KIAA1217: variants seen among roughly 807,000 people sequenced by gnomAD.
The protein encoded by KIAA1217 is sickle tail protein homolog.
In KIAA1217, 88 loss-of-function variants were observed where a neutral mutation model predicts 163.9. That is an observed-to-expected ratio of 0.54 (90% CI 0.45 to 0.64). KIAA1217 has a LOEUF of 0.64. Ranked by LOEUF, KIAA1217 falls within the 30% of genes least tolerant of loss-of-function variation. The pLI, the probability that KIAA1217 is intolerant of heterozygous loss-of-function variation, is 0.00. For missense variants in KIAA1217, 2,372 were observed against 2,475.0 expected, an observed-to-expected ratio of 0.96 and a Z score of 0.88; for synonymous variants, 903 against 923.1, an observed-to-expected ratio of 0.98 and a Z score of 0.39.
chr10:23,970,195 T>C (rs1233208250), intron 1 of KIAA1217, among the ~76,000 whole-genome samples: 1 of 152,226 alleles, frequency 6.6e-6, no homozygotes, highest in Non-Finnish European at 1.5e-5. Context: ...GTTCTTGTAT[T>C]AGAGGTCAAA....
intron 3 of KIAA1217, among the ~76,000 whole-genome samples, chr10:24,382,599 CT>C (rs1591477187): frequency 1.3e-5 from 2 of 151,818 alleles, no homozygotes; most frequent in East Asian, 3.9e-4. Flanking sequence ...AGAAAATGTG[CT>C]TTTTGTTTAT....
intron 2 of KIAA1217, among the ~76,000 whole-genome samples, chr10:24,041,797 A>G (rs1341977961): frequency 1.3e-5 from 2 of 152,184 alleles, no homozygotes; most frequent in Non-Finnish European, 2.9e-5. Flanking sequence ...ATGCCTGGAA[A>G]CTGAACGTGG....
At chr10:23,971,468 G>A (rs1767133669) in intron 1 of KIAA1217, among the ~76,000 whole-genome samples, 1 of 152,110 alleles carries the variant, frequency 6.6e-6, no homozygotes, top group African/African-American at 2.4e-5. Context: ...TGGTTGGGGG[G>A]GAACCTCCTC....
At chr10:24,242,295 C>T (rs1018764710) in intron 2 of KIAA1217, among the ~76,000 whole-genome samples, 1 of 152,158 alleles carries the variant, frequency 6.6e-6, no homozygotes, top group Admixed American at 6.6e-5. Context: ...CCCATGTTTA[C>T]ATCCATGTGT....
intron 2 of KIAA1217, among the ~76,000 whole-genome samples, chr10:24,124,781 T>G (rs976082434): frequency 6.6e-6 from 1 of 152,220 alleles, no homozygotes; most frequent in Admixed American, 6.5e-5. Flanking sequence ...AAAACTCTAC[T>G]TGATCCCAGT....
intron 1 of KIAA1217, among the ~76,000 whole-genome samples, chr10:24,213,437 G>A (rs1012433257): frequency 2.0e-5 from 3 of 152,162 alleles, no homozygotes; most frequent in African/African-American, 7.2e-5. Flanking sequence ...CCCATCGAGT[G>A]CAAGCCTGGG....
chr10:24,388,424 G>T (rs1378314298), intron 3 of KIAA1217, among the ~76,000 whole-genome samples: 1 of 152,100 alleles, frequency 6.6e-6, no homozygotes, highest in Non-Finnish European at 1.5e-5. Context: ...TGAATTAAAG[G>T]CTTAAATGTT....
chr10:23,833,297 T>C (rs1838296463), intron 1 of KIAA1217, among the ~76,000 whole-genome samples: 1 of 152,042 alleles, frequency 6.6e-6, no homozygotes, highest in Non-Finnish European at 1.5e-5. Flanking sequence ...TCAAGCTTCA[T>C]CCCCTCACAA....
chr10:24,458,208 C>A (rs2062002970), intron 5 of KIAA1217, among the ~76,000 whole-genome samples: 1 of 152,230 alleles, frequency 6.6e-6, no homozygotes, highest in East Asian at 1.9e-4. Flanking sequence ...TAAGGAGAAG[C>A]AGTAGTTTTG....
intron 2 of KIAA1217, among the ~76,000 whole-genome samples, chr10:24,050,236 T>G (rs1443687147): frequency 6.6e-6 from 1 of 152,174 alleles, no homozygotes; most frequent in Non-Finnish European, 1.5e-5. Context: ...TTGCAAAAAT[T>G]TTCTCCTGTT....
At chr10:23,813,976 C>T (rs1299858299) in intron 1 of KIAA1217, among the ~76,000 whole-genome samples, 2 of 152,152 alleles carry the variant, frequency 1.3e-5, no homozygotes, top group African/African-American at 4.8e-5. Context: ...CAGGATGATG[C>T]AGTTCGCTCA....
At chr10:24,432,928 G>A in intron 3 of KIAA1217, 67 bp from the exon 4 acceptor site, 2 of 1,280,248 alleles carry the variant, frequency 1.6e-6, no homozygotes, top group South Asian at 1.3e-5. Flanking sequence ...GAAAGAAGTG[G>A]CTCAGCTTGT....
intron 2 of KIAA1217, among the ~76,000 whole-genome samples, chr10:24,322,368 G>A (rs563814333): frequency 3.3e-5 from 5 of 152,252 alleles, no homozygotes; most frequent in East Asian, 1.9e-4. Context: ...TCTAAGGTGC[G>A]GGGTAATCTC....
intron 2 of KIAA1217, among the ~76,000 whole-genome samples, chr10:24,324,772 G>A (rs1244854272): frequency 6.6e-6 from 1 of 152,068 alleles, no homozygotes; most frequent in Admixed American, 6.6e-5. Context: ...AAAATGTGAT[G>A]TTAATACTTG....
chr10:23,962,964 TA>T (rs1844880551), intron 1 of KIAA1217, among the ~76,000 whole-genome samples: 1 of 152,154 alleles, frequency 6.6e-6, no homozygotes, highest in Non-Finnish European at 1.5e-5. Flanking sequence ...TATTAGAATA[TA>T]AAATCTCTAA....
intron 2 of KIAA1217, among the ~76,000 whole-genome samples, chr10:24,109,278 C>T (rs1476754097): frequency 1.3e-5 from 2 of 152,188 alleles, no homozygotes; most frequent in African/African-American, 2.4e-5. Flanking sequence ...TGGAAAGACG[C>T]TAACTCTTTT....
Position 24,543,632 on chromosome 10 carries a change from G to A in KIAA1217, c.4362G>A (p.Arg1454=), listed in dbSNP as rs748370171. The change falls in exon 19 of 21, where the codon CGG becomes CGA. Residue 1454 remains arginine (R), a synonymous_variant. Coordinates refer to ENST00000376454, the MANE Select transcript of KIAA1217 (RefSeq NM_019590.5). The part of the protein sequence containing the change: ...IIIFDEPMDI[R]SAYKRLSTIF... ...TTTTCGATGAGCCCATGGACATCCGGTCTGCCTATAAGAGACTTTCAACTA... is the reference window on the plus strand; with the variant it reads ...TTTTCGATGAGCCCATGGACATCCGATCTGCCTATAAGAGACTTTCAACTA... The A allele has an allele frequency of 6.2e-7, 1 of 1,614,118 alleles. No homozygotes were observed. Among genetic ancestry groups the A allele is most frequent in the Non-Finnish European group, 8.5e-7 (1 of 1,180,038 alleles).
At chr10:24,438,808 C>G (rs537491280) in intron 5 of KIAA1217, among the ~76,000 whole-genome samples, 1 of 152,316 alleles carries the variant, frequency 6.6e-6, no homozygotes, top group East Asian at 1.9e-4. Context: ...TCTTGCATTT[C>G]TTTCTCCAAT....
intron 1 of KIAA1217, among the ~76,000 whole-genome samples, chr10:23,780,414 A>G (rs987589135): frequency 2.0e-5 from 3 of 152,098 alleles, no homozygotes; most frequent in African/African-American, 7.2e-5. Flanking sequence ...TTTGACCCAC[A>G]TATCCCATTT....
Sources: gnomAD v4.1 joint callset for allele counts (sites outside exome capture counted in the v4.1 genomes callset) on GRCh38, gnomAD v4.1.1 for gene constraint, MANE v1.5 for transcripts, NCBI Gene and HGNC (gene_info 2026-07-23, HGNC 2026-07-21) for gene names.